The following PTPRZ1 variants were observed in gnomAD, a reference collection of about 807,000 sequenced individuals.
PTPRZ1 encodes the protein protein tyrosine phosphatase receptor type Z1, also known as receptor-type tyrosine-protein phosphatase zeta.
A neutral mutation model predicts 214.1 loss-of-function variants in PTPRZ1; 82 were observed. That is an observed-to-expected ratio of 0.38 (90% CI 0.32 to 0.46). The LOEUF is 0.46. Among genes scored for constraint, PTPRZ1 ranks in the 20% least tolerant of loss-of-function variants. PTPRZ1 has a pLI of 1.00. For synonymous variants in PTPRZ1, 945 were observed against 987.9 expected, an observed-to-expected ratio of 0.96 and a Z score of 0.81; for missense variants, 2,603 against 2,748.7, an observed-to-expected ratio of 0.95 and a Z score of 1.19.
intron 10 of PTPRZ1, among the ~76,000 whole-genome samples, chr7:122,003,965 G>A (rs1798401523): frequency 6.6e-6 from 1 of 152,186 alleles, no homozygotes; most frequent in Non-Finnish European, 1.5e-5. Context: ...AGCATTAGCT[G>A]AGTTTCCCTG....
intron 25 of PTPRZ1, 21 bp from the exon 26 acceptor site, chr7:122,053,889 G>C (rs1005794415): frequency 6.2e-7 from 1 of 1,610,462 alleles, no homozygotes; most frequent in Admixed American, 1.7e-5. Context: ...TGCTGTTTTT[G>C]TCTTCTCTTT....
At position 122,061,358 on chromosome 7, in the gene PTPRZ1, C is replaced by T. The variant is rs1792572250; in HGVS notation, c.*138C>T. ...ACTTTCATGACATAGGATTCTGCCG[C>T]CAAATTTATATCATTAACAATGTGT... is the stretch of plus-strand genomic sequence containing the variant. On this transcript the variant is annotated 3_prime_UTR_variant, in exon 30 of 30. Transcript: ENST00000393386. The T allele has an allele frequency of 2.7e-6, 2 of 748,014 alleles. No homozygotes were observed. Among genetic ancestry groups the T allele is most frequent in the South Asian group, 5.3e-5 (1 of 18,784 alleles). 46.3% of individuals were successfully genotyped at this position (748,014 alleles called of 1,614,324 possible).
At chr7:122,020,592 T>C (rs1382444751) in intron 13 of PTPRZ1, among the ~76,000 whole-genome samples, 1 of 152,192 alleles carries the variant, frequency 6.6e-6, no homozygotes, top group Non-Finnish European at 1.5e-5. Flanking sequence ...GTCTGGAGCA[T>C]GTATTAATAG....
At chr7:122,006,158 T>C (rs1798480250) in intron 11 of PTPRZ1, among the ~76,000 whole-genome samples, 2 of 152,122 alleles carry the variant, frequency 1.3e-5, no homozygotes, top group Admixed American at 1.3e-4. Flanking sequence ...GGACATATAA[T>C]ACTTCTACAT....
intron 24 of PTPRZ1, 49 bp downstream of exon 24, chr7:122,051,570 G>A (rs1158806187): frequency 2.7e-6 from 4 of 1,497,982 alleles, no homozygotes; most frequent in Non-Finnish European, 3.7e-6. Flanking sequence ...AATAATAAAA[G>A]CCTTGTAGGA....
At chr7:121,949,273 G>A (rs1310061245) in intron 2 of PTPRZ1, among the ~76,000 whole-genome samples, 1 of 152,200 alleles carries the variant, frequency 6.6e-6, no homozygotes, top group Non-Finnish European at 1.5e-5. Context: ...GAGCAGAGGG[G>A]TGACTTTAAT....
intron 2 of PTPRZ1, among the ~76,000 whole-genome samples, chr7:121,944,817 A>G (rs994599968): frequency 6.6e-6 from 1 of 151,872 alleles, no homozygotes; most frequent in African/African-American, 2.4e-5. Flanking sequence ...TAATTTTTAT[A>G]TTTTTAGTAG....
intron 4 of PTPRZ1, among the ~76,000 whole-genome samples, chr7:121,973,306 T>C (rs966139448): frequency 2.0e-5 from 3 of 152,166 alleles, no homozygotes; most frequent in Non-Finnish European, 4.4e-5. Flanking sequence ...ACAAAAATCA[T>C]GTTTTTGAAT....
rs1055996781 is a variant in PTPRZ1, at chr7:122,040,283, G to A, written c.5638-533G>A. Among the ~76,000 whole-genome samples the A allele has an allele frequency of 2.6e-5, 4 of 152,346 alleles. No individual in the cohort carries two copies. In the South Asian group the frequency reaches 8.3e-4, roughly 32 times the overall value. On this transcript the variant is annotated intron_variant, in intron 20 of 29. Transcript: ENST00000393386. ...TCAAAGAAACAGAACCAACAGAATA[G>A]AGAGATAGAGAGGTTTACATTTTTA...
At chr7:122,054,239 A>G (rs1348851774) in intron 26 of PTPRZ1, among the ~76,000 whole-genome samples, 2 of 152,160 alleles carry the variant, frequency 1.3e-5, no homozygotes, top group African/African-American at 2.4e-5. Flanking sequence ...AAAGTTTTAA[A>G]TGAAAGTAGA....
chr7:122,050,661 T>C (rs146121689), intron 23 of PTPRZ1, among the ~76,000 whole-genome samples: 59 of 152,094 alleles, frequency 3.9e-4, no homozygotes, highest in African/African-American at 1.3e-3. Flanking sequence ...TAGATTTACA[T>C]TCAAGACAGC....
At chr7:122,001,072 C>G (rs1798308715) in intron 10 of PTPRZ1, among the ~76,000 whole-genome samples, 1 of 152,076 alleles carries the variant, frequency 6.6e-6, no homozygotes, top group South Asian at 2.1e-4. Flanking sequence ...TAAAACTATG[C>G]ATTTAAATTA....
chr7:122,042,112 C>A (rs1410059493), intron 21 of PTPRZ1, among the ~76,000 whole-genome samples: 1 of 152,196 alleles, frequency 6.6e-6, no homozygotes, highest in African/African-American at 2.4e-5. Flanking sequence ...CACAATCTCA[C>A]TGAAATGATA....
chr7:121,889,849 A>G (rs566227378), intron 1 of PTPRZ1, among the ~76,000 whole-genome samples: 2 of 152,272 alleles, frequency 1.3e-5, no homozygotes, highest in Admixed American at 6.5e-5. Context: ...TGGACCTACC[A>G]AGAGCTTTCA....
chr7:122,019,061 G>GA, intron 12 of PTPRZ1, 63 bp from the exon 13 acceptor site: 1 of 1,478,602 alleles, frequency 6.8e-7, no homozygotes, highest in Non-Finnish European at 9.2e-7. Context: ...TTAATCAGTT[G>GA]AAAAATGCTG....
chr7:121,892,318 C>A (rs1437406298), intron 1 of PTPRZ1, among the ~76,000 whole-genome samples: 1 of 151,978 alleles, frequency 6.6e-6, no homozygotes, highest in East Asian at 1.9e-4. Context: ...TATGTTATGG[C>A]ATTTAGTGTT....
intron 6 of PTPRZ1, among the ~76,000 whole-genome samples, chr7:121,980,868 C>T (rs9986742): frequency 0.11 from 17,247 of 152,236 alleles, 1,041 homozygotes; most frequent in East Asian, 0.17. Flanking sequence ...CTAGGCCGGG[C>T]GTGGTGTCTC....
At chr7:122,057,385 AAAT>A (rs1433470323) in intron 27 of PTPRZ1, among the ~76,000 whole-genome samples, 7 of 151,842 alleles carry the variant, frequency 4.6e-5, no homozygotes, top group African/African-American at 1.7e-4. Context: ...TTATTTACAT[AAAT>A]AATATTTTTA....
chr7:121,918,990 G>A (rs1043950463), intron 1 of PTPRZ1, among the ~76,000 whole-genome samples: 1 of 151,606 alleles, frequency 6.6e-6, no homozygotes. Context: ...TTTTTTCAAT[G>A]TTGTAAACAT....
Sources: gnomAD v4.1 joint callset for allele counts (sites outside exome capture counted in the v4.1 genomes callset) on GRCh38, gnomAD v4.1.1 for gene constraint, MANE v1.5 for transcripts, NCBI Gene and HGNC (gene_info 2026-07-23, HGNC 2026-07-21) for gene names.